KCNH8: variants seen among roughly 807,000 people sequenced by gnomAD.
KCNH8 encodes the protein voltage-gated delayed rectifier potassium channel KCNH8.
KCNH8 carries 70 observed loss-of-function variants against 103.6 expected under a neutral mutation model. The observed-to-expected ratio is 0.68, with a 90% confidence interval of 0.56 to 0.82. KCNH8 has a LOEUF of 0.82. Ranked by LOEUF, KCNH8 falls within the 40% of genes least tolerant of loss-of-function variation. KCNH8 has a pLI of 0.00. For missense variants in KCNH8, 1,217 were observed against 1,329.9 expected, an observed-to-expected ratio of 0.92 and a Z score of 1.32; for synonymous variants, 498 against 489.4, an observed-to-expected ratio of 1.02 and a Z score of -0.23.
At chr3:19,345,797 A>C (rs2065721605) in intron 4 of KCNH8, among the ~76,000 whole-genome samples, 1 of 152,078 alleles carries the variant, frequency 6.6e-6, no homozygotes, top group African/African-American at 2.4e-5. Context: ...TCTAATCTCA[A>C]ATGTATTGAA....
intron 15 of KCNH8, among the ~76,000 whole-genome samples, chr3:19,528,676 T>C (rs2125252711): frequency 6.6e-6 from 1 of 152,216 alleles, no homozygotes; most frequent in Non-Finnish European, 1.5e-5. Flanking sequence ...TCAGGCAACT[T>C]TCCCCTAAAA....
chr3:19,269,769 A>G (rs2064562135), intron 2 of KCNH8, among the ~76,000 whole-genome samples: 1 of 152,164 alleles, frequency 6.6e-6, no homozygotes, highest in Admixed American at 6.6e-5. Flanking sequence ...TTTCAAAGTA[A>G]AAGCCTTATC....
intron 5 of KCNH8, among the ~76,000 whole-genome samples, chr3:19,368,007 T>C (rs1043210039): frequency 1.3e-5 from 2 of 152,084 alleles, no homozygotes; most frequent in African/African-American, 4.8e-5. Context: ...GGGAGACTTA[T>C]GACCATACAG....
At chr3:19,167,098 A>G (rs2063293061) in intron 1 of KCNH8, among the ~76,000 whole-genome samples, 1 of 152,244 alleles carries the variant, frequency 6.6e-6, no homozygotes. Flanking sequence ...GCAAAATGAG[A>G]GAGACATGGA....
At chr3:19,304,039 A>T (rs2065097939) in intron 3 of KCNH8, among the ~76,000 whole-genome samples, 1 of 152,196 alleles carries the variant, frequency 6.6e-6, no homozygotes, top group Non-Finnish European at 1.5e-5. Context: ...GTACTAAAAG[A>T]GGAGAAAATA....
chr3:19,150,014 G>T (rs1472179384), intron 1 of KCNH8, among the ~76,000 whole-genome samples: 1 of 152,134 alleles, frequency 6.6e-6, no homozygotes, highest in Admixed American at 6.6e-5. Context: ...CTTTAATTTT[G>T]TTCAGTTTTT....
At position 19,279,613 on chromosome 3, in the gene KCNH8, T is replaced by C. The variant is rs114246395; in HGVS notation, c.311-1585T>C. 2.7e-3 allele frequency among the ~76,000 whole-genome samples: 412 copies of C among 151,670 alleles called. 3 individuals are homozygous for C. The highest frequency in any genetic ancestry group is 9.3e-3 in the African/African-American group (384 of 41,340). ...GGAGGAAATCATGACTCTAAAACTA[T>C]TGGGAGAATACAGAGGAACGAGCAT... On this transcript the variant is annotated intron_variant, in intron 2 of 15. Coordinates refer to ENST00000328405, the MANE Select transcript of KCNH8 (RefSeq NM_144633.3).
intron 3 of KCNH8, among the ~76,000 whole-genome samples, chr3:19,302,548 A>G (rs937117038): frequency 2.6e-5 from 4 of 152,200 alleles, no homozygotes; most frequent in African/African-American, 9.6e-5. Context: ...CCTTCTATCA[A>G]TAAGGTACTT....
intron 1 of KCNH8, among the ~76,000 whole-genome samples, chr3:19,166,038 A>G (rs2063280015): frequency 6.6e-6 from 1 of 152,228 alleles, no homozygotes; most frequent in Non-Finnish European, 1.5e-5. Context: ...ATGGACAAGC[A>G]TGGGCTTGGG....
At chr3:19,507,269 G>A (rs1343079615) in intron 11 of KCNH8, among the ~76,000 whole-genome samples, 1 of 152,174 alleles carries the variant, frequency 6.6e-6, no homozygotes, top group Non-Finnish European at 1.5e-5. Flanking sequence ...CAGAACCACT[G>A]CTGTGGCAAT....
At chr3:19,355,582 A>G (rs1282356634) in intron 5 of KCNH8, among the ~76,000 whole-genome samples, 1 of 152,202 alleles carries the variant, frequency 6.6e-6, no homozygotes, top group African/African-American at 2.4e-5. Flanking sequence ...TGTCCTTTGT[A>G]GGGACATGGA....
chr3:19,244,083 A>G (rs906976110), intron 1 of KCNH8, among the ~76,000 whole-genome samples: 1 of 152,310 alleles, frequency 6.6e-6, no homozygotes, highest in Middle Eastern at 3.4e-3. Flanking sequence ...TAAAAGGTAT[A>G]AAATTAAAAC....
Position 19,253,681 on chromosome 3 carries a change from A to T in KCNH8, c.104A>T (p.Gln35Leu), listed in dbSNP as rs2064308607. 1 of 1,613,560 alleles carries T rather than the reference A, an allele frequency of 6.2e-7. No homozygotes were observed. Among genetic ancestry groups the T allele is most frequent in the Non-Finnish European group, 8.5e-7 (1 of 1,179,798 alleles). Residue 35 changes from glutamine to leucine, a missense_variant, in exon 2 of 16, where the codon CAG (glutamine) becomes CTG (leucine). Physicochemically the swap from Gln to Leu is moderately radical, Grantham distance 113 (BLOSUM62 -2). This residue lies in a region of KCNH8 where 244 missense variants were observed against 256.8 expected (regional missense o/e 0.95). Coordinates refer to ENST00000328405, the MANE Select transcript of KCNH8 (RefSeq NM_144633.3). ...AGCAACTTCATCCTTGCCAATGCCCAGGTGGCTAAGGGTTTCCCCATAGTC... is the reference window on the plus strand; with the variant it reads ...AGCAACTTCATCCTTGCCAATGCCCTGGTGGCTAAGGGTTTCCCCATAGTC... The part of the protein sequence containing the change: ...THSNFILANA[Q>L]VAKGFPIVYC...
chr3:19,531,752 A>G (rs922325218), intron 15 of KCNH8, among the ~76,000 whole-genome samples: 3 of 152,218 alleles, frequency 2.0e-5, no homozygotes, highest in African/African-American at 7.2e-5. Context: ...TGAATTAGGA[A>G]TATGTACTTA....
intron 1 of KCNH8, among the ~76,000 whole-genome samples, chr3:19,163,587 A>G (rs905325787): frequency 2.0e-5 from 3 of 152,178 alleles, no homozygotes; most frequent in African/African-American, 7.2e-5. Context: ...TTTTTATATT[A>G]TCTTCTGAGG....
intron 1 of KCNH8, among the ~76,000 whole-genome samples, chr3:19,231,816 G>A (rs1182358800): frequency 2.0e-5 from 3 of 152,196 alleles, no homozygotes; most frequent in Non-Finnish European, 4.4e-5. Context: ...CTCACTCTCA[G>A]CTTTCCTTTC....
intron 11 of KCNH8, among the ~76,000 whole-genome samples, chr3:19,471,495 C>T (rs963980305): frequency 2.6e-5 from 4 of 152,154 alleles, no homozygotes; most frequent in African/African-American, 4.8e-5. Flanking sequence ...CACACACTCA[C>T]GACAAAGGCT....
chr3:19,258,200 T>C (rs920748896), intron 2 of KCNH8, among the ~76,000 whole-genome samples: 2 of 152,050 alleles, frequency 1.3e-5, no homozygotes, highest in African/African-American at 4.8e-5. Flanking sequence ...ACCTAAAACA[T>C]CTAGTTACAT....
chr3:19,418,340 G>T (rs993318120), intron 7 of KCNH8, among the ~76,000 whole-genome samples: 2 of 152,106 alleles, frequency 1.3e-5, no homozygotes, highest in African/African-American at 4.8e-5. Context: ...TTAAACTAAA[G>T]GTTAATGAAA....
Sources: gnomAD v4.1 joint callset for allele counts (sites outside exome capture counted in the v4.1 genomes callset) on GRCh38, gnomAD v4.1.1 for gene constraint, gnomAD v4.1.1 regional missense constraint, MANE v1.5 for transcripts, NCBI Gene and HGNC (gene_info 2026-07-23, HGNC 2026-07-21) for gene names.